Variants in AGMO observed in about 807,000 individuals in gnomAD.
AGMO encodes glyceryl-ether monooxygenase.
Under a neutral mutation model 60.2 loss-of-function variants are expected in AGMO, and 75 were observed. The ratio of observed to expected loss-of-function variants is 1.25; its 90% CI spans 1.03 to 1.51. AGMO has a LOEUF of 1.51. Ranked by LOEUF, AGMO falls within the 40% of genes most tolerant of loss-of-function variation. The probability of loss-of-function intolerance (pLI) is 0.00; values close to 1 mark genes in which losing one functional copy is unlikely to be tolerated. For missense variants in AGMO, 763 were observed against 525.5 expected (o/e 1.45, Z -4.42); for synonymous variants, 261 against 177.1 (o/e 1.47, Z -3.76).
At chr7:15,267,626 A>C (rs1783471975) in intron 12 of AGMO, among the ~76,000 whole-genome samples, 1 of 151,928 alleles carries the variant, frequency 6.6e-6, no homozygotes, top group Non-Finnish European at 1.5e-5. Context: ...TTACTATGGT[A>C]CTATATTCTC....
chr7:15,545,509 T>C (rs1784754817), intron 2 of AGMO, among the ~76,000 whole-genome samples: 1 of 151,792 alleles, frequency 6.6e-6, no homozygotes, highest in African/African-American at 2.4e-5. Context: ...CACACATATA[T>C]ATTATACTTA....
intron 12 of AGMO, among the ~76,000 whole-genome samples, chr7:15,225,295 C>G (rs1782045112): frequency 6.6e-6 from 1 of 151,916 alleles, no homozygotes; most frequent in Non-Finnish European, 1.5e-5. Flanking sequence ...TAAAAATTTG[C>G]CTTTATAATT....
In AGMO at chr7:15,561,922, G is replaced by A. The variant is rs1194550410; in HGVS notation, c.-77C>T. ...AAGCCTGAGGCTGAACAAAGAGGAC[G>A]AGATGTGCAGCTCAGAACAAGCTCT... is the stretch of plus-strand genomic sequence containing the variant. On this transcript the variant is annotated 5_prime_UTR_variant, in exon 1 of 13. Coordinates refer to ENST00000342526, the MANE Select transcript of AGMO (RefSeq NM_001004320.2). 2.1e-6 allele frequency: 3 copies of A among 1,457,144 alleles called. No homozygotes were observed. Among genetic ancestry groups the A allele is most frequent in the South Asian group, 1.4e-5 (1 of 72,920 alleles). The allele number at this position is 1,457,144 out of a possible 1,614,324, so 90.3% of individuals were successfully genotyped here.
chr7:15,229,890 A>C (rs1782206320), intron 12 of AGMO, among the ~76,000 whole-genome samples: 1 of 151,432 alleles, frequency 6.6e-6, no homozygotes, highest in African/African-American at 2.4e-5. Context: ...CTGTAAAAGG[A>C]ATTAGAAACA....
intron 5 of AGMO, chr7:15,396,004 A>G (rs904691397): frequency 6.6e-6 from 1 of 152,108 alleles, no homozygotes; most frequent in African/African-American, 2.4e-5. Context: ...GACAGGAGCC[A>G]TCATCATCAT....
intron 12 of AGMO, among the ~76,000 whole-genome samples, chr7:15,351,087 T>C (rs895119467): frequency 2.0e-5 from 3 of 152,074 alleles, no homozygotes; most frequent in East Asian, 1.9e-4. Flanking sequence ...GCTAAGAAAA[T>C]TGCAGTATAG....
chr7:15,119,372 A>C, the AGMO span, among the ~76,000 whole-genome samples: 6 of 152,012 alleles, frequency 3.9e-5, no homozygotes, highest in Admixed American at 4.0e-4. Flanking sequence ...TAAATTACCC[A>C]GTCTTGGGTG....
chr7:15,432,749 C>T (rs900123020), intron 3 of AGMO, among the ~76,000 whole-genome samples: 2 of 151,874 alleles, frequency 1.3e-5, no homozygotes, highest in African/African-American at 2.4e-5. Flanking sequence ...ATTGTTCTTA[C>T]ACAAAAGAGA....
At chr7:15,312,638 A>G (rs572104278) in intron 12 of AGMO, among the ~76,000 whole-genome samples, 7 of 152,220 alleles carry the variant, frequency 4.6e-5, no homozygotes, top group African/African-American at 1.4e-4. Flanking sequence ...TTTTAAGACA[A>G]ACAAAAACTG....
intron 3 of AGMO, among the ~76,000 whole-genome samples, chr7:15,518,056 G>C (rs1459315145): frequency 6.6e-6 from 1 of 152,138 alleles, no homozygotes; most frequent in Admixed American, 6.5e-5. Context: ...CAGGAATTTC[G>C]GACTGGGCGG....
At chr7:15,382,998 A>AT (rs1211228089) in intron 10 of AGMO, among the ~76,000 whole-genome samples, 3 of 148,724 alleles carry the variant, frequency 2.0e-5, no homozygotes, top group Admixed American at 6.7e-5. Flanking sequence ...TATCACCTCA[A>AT]TTTTTTTTTC....
intron 12 of AGMO, among the ~76,000 whole-genome samples, chr7:15,220,737 C>G (rs1781893977): frequency 6.6e-6 from 1 of 151,790 alleles, no homozygotes; most frequent in Non-Finnish European, 1.5e-5. Context: ...GATTGTAAAA[C>G]CAAGCCCAGA....
chr7:15,430,595 GT>G (rs35756210), intron 4 of AGMO, among the ~76,000 whole-genome samples: 5 of 134,286 alleles, frequency 3.7e-5, no homozygotes, highest in African/African-American at 1.1e-4. Context: ...AGAATTAGTT[GT>G]TTTTTTTAAA....
rs139371079 is a variant in AGMO at position 15,299,338 on chromosome 7, T to A, written c.1263+66176A>T. The stretch of plus-strand genomic sequence containing the variant: ...CTGACCTGTGCTGTTTATACTTATG[T>A]AATACTGGTAAGAGTGGTTTGCCCT... On this transcript the variant is annotated intron_variant, in intron 12 of 12. Transcript: ENST00000342526. Among the ~76,000 whole-genome samples, 699 of 152,288 alleles carry A rather than the reference T, an allele frequency of 4.6e-3. 8 individuals are homozygous for A. Among genetic ancestry groups the A allele is most frequent in the African/African-American group, 0.016 (656 of 41,550 alleles).
intron 10 of AGMO, among the ~76,000 whole-genome samples, chr7:15,370,052 T>C (rs1783141266): frequency 6.6e-6 from 1 of 152,170 alleles, no homozygotes; most frequent in South Asian, 2.1e-4. Flanking sequence ...TTCCAACTTT[T>C]GCCCCCCTCC....
intron 12 of AGMO, among the ~76,000 whole-genome samples, chr7:15,278,407 T>G (rs533514018): frequency 2.5e-4 from 38 of 152,162 alleles, no homozygotes; most frequent in African/African-American, 8.4e-4. Context: ...GATGGCCCAT[T>G]CAATGGCATG....
chr7:15,294,673 T>C (rs1210358460), intron 12 of AGMO, among the ~76,000 whole-genome samples: 1 of 151,932 alleles, frequency 6.6e-6, no homozygotes, highest in Non-Finnish European at 1.5e-5. Flanking sequence ...GTTAAGTGTT[T>C]ACATATTTAT....
intron 3 of AGMO, among the ~76,000 whole-genome samples, chr7:15,460,002 G>C (rs1371737402): frequency 2.6e-5 from 4 of 151,472 alleles, no homozygotes; most frequent in Non-Finnish European, 5.9e-5. Flanking sequence ...ACCAGTACCT[G>C]TTGAGCACTT....
At chr7:15,546,844 G>A (rs1028472572) in intron 2 of AGMO, among the ~76,000 whole-genome samples, 1 of 152,104 alleles carries the variant, frequency 6.6e-6, no homozygotes, top group Non-Finnish European at 1.5e-5. Flanking sequence ...TTCAGATGAG[G>A]GCTTCACAAC....
Sources: gnomAD v4.1 joint callset for allele counts (sites outside exome capture counted in the v4.1 genomes callset) on GRCh38, gnomAD v4.1.1 for gene constraint, MANE v1.5 for transcripts, NCBI Gene and HGNC (gene_info 2026-07-23, HGNC 2026-07-21) for gene names.